The following GADD45A variants were observed in gnomAD, a reference collection of about 807,000 sequenced individuals.
The protein encoded by GADD45A is growth arrest and DNA damage inducible alpha.
Under a neutral mutation model 17.7 loss-of-function variants are expected in GADD45A, and 9 were observed. That is an observed-to-expected ratio of 0.51 (90% confidence interval 0.31 to 0.89). The LOEUF is 0.89. Ranked by LOEUF, GADD45A falls within the 40% of genes least tolerant of loss-of-function variation. The pLI, the probability that GADD45A is intolerant of heterozygous loss-of-function variation, is 0.05. For missense variants in GADD45A, 149 were observed against 220.6 expected (o/e 0.68, Z 2.06); for synonymous variants, 95 against 92.2 (o/e 1.03, Z -0.17).
chr1:67,686,647 C>CT (rs1475569238), intron 3 of GADD45A, 60 bp downstream of exon 3: 5 of 1,430,892 alleles, frequency 3.5e-6, no homozygotes, highest in Admixed American at 4.3e-5. Flanking sequence ...GGAGTCAGGG[C>CT]TGGGTTGCCT....
Position 67,686,561 on chromosome 1 carries a change from C to G in GADD45A, c.358C>G (p.Pro120Ala). 1 of 1,611,758 alleles carries G rather than the reference C, an allele frequency of 6.2e-7. No individual in the cohort carries two copies. The highest frequency in any genetic ancestry group is 8.5e-7 in the Non-Finnish European group (1 of 1,178,994). Reference sequence around the variant, plus strand: ...GGCGAGCGAGGGCGCCGAGCAGCCCCCGGACCTGCACTGCGTGCTGGTGAC... The same window carrying G: ...GGCGAGCGAGGGCGCCGAGCAGCCCGCGGACCTGCACTGCGTGCTGGTGAC... ...PAASEGAEQPPDLHCVLVTNP... is the reference protein window; with the variant it reads ...PAASEGAEQPADLHCVLVTNP... Residue 120 changes from proline to alanine, a missense_variant, in exon 3 of 4, where the codon CCG (proline) becomes GCG (alanine). By Grantham distance (27) the Pro-to-Ala change is conservative. Coordinates refer to ENST00000370986, the MANE Select transcript of GADD45A (RefSeq NM_001924.4).
Position 67,686,557 on chromosome 1 carries a change from G to T in GADD45A, c.354G>T (p.Gln118His). 6.2e-7 allele frequency: 1 copy of T among 1,611,880 alleles called. No individual in the cohort carries two copies. The highest frequency in any genetic ancestry group is 8.5e-7 in the Non-Finnish European group (1 of 1,179,064). The change falls in exon 3 of 4, where the codon CAG becomes CAT. Residue 118 changes from glutamine to histidine, a missense_variant. Physicochemically the swap from Gln to His is conservative, Grantham distance 24. Transcript: ENST00000370986. ...CCGCGGCGAGCGAGGGCGCCGAGCA[G>T]CCCCCGGACCTGCACTGCGTGCTGG... ...AGPAASEGAE[Q>H]PPDLHCVLVT...
chr1:67,686,212 C>T, intron 2 of GADD45A, 86 bp downstream of exon 2: 1 of 1,382,340 alleles, frequency 7.2e-7, no homozygotes. Flanking sequence ...CCTCGCCCGG[C>T]CGCGCCACTT....
rs939678838 is a variant in GADD45A at position 67,687,824 on chromosome 1, A to G, written c.*50A>G. On this transcript the variant is annotated 3_prime_UTR_variant, in exon 4 of 4. Transcript: ENST00000370986. ...ACCAAATTGCACTGAAGTTTTTGAA[A>G]TACCTTTGTAGTTACTCAAGCAGTT... The G allele has an allele frequency of 9.3e-6, 11 of 1,185,672 alleles. No homozygotes were observed. Among genetic ancestry groups the G allele is most frequent in the African/African-American group, 6.0e-5 (4 of 66,504 alleles). 73.4% of individuals were successfully genotyped at this position (1,185,672 alleles called of 1,614,324 possible). A position where few individuals can be genotyped will look rare whatever the true frequency, so the allele number is the denominator to read the frequency against.
In GADD45A at chr1:67,687,922, G is replaced by A. The variant is rs1046318333; in HGVS notation, c.*148G>A. On this transcript the variant is annotated 3_prime_UTR_variant, in exon 4 of 4. Coordinates refer to ENST00000370986, the MANE Select transcript of GADD45A (RefSeq NM_001924.4). Reference sequence around the variant, plus strand: ...GAGTGAGTTCAACTACATGTTCTGGGGGCCCGGAGATAGATGACTTTGCAG... The same window carrying A: ...GAGTGAGTTCAACTACATGTTCTGGAGGCCCGGAGATAGATGACTTTGCAG... 4.9e-5 allele frequency: 26 copies of A among 532,620 alleles called. No homozygotes were observed. Among genetic ancestry groups the A allele is most frequent in the Non-Finnish European group, 7.7e-5 (23 of 297,232 alleles). 33.0% of individuals were successfully genotyped at this position (532,620 alleles called of 1,614,324 possible).
In GADD45A at chr1:67,686,535, C is replaced by G. The variant is rs1317152541; in HGVS notation, c.332C>G (p.Ala111Gly). 1.2e-6 allele frequency: 2 copies of G among 1,612,578 alleles called. No homozygotes were observed. Among genetic ancestry groups the G allele is most frequent in the Admixed American group, 1.7e-5 (1 of 59,958 alleles). Residue 111 changes from alanine (A) to glycine (G), a missense_variant, in exon 3 of 4, where the codon GCG becomes GGG. Ala to Gly is a moderately conservative substitution (Grantham distance 60). Coordinates refer to ENST00000370986, the MANE Select transcript of GADD45A (RefSeq NM_001924.4). ...LLLLETDAGP[A>G]ASEGAEQPPD... ...CTCTTGGAGACCGACGCTGGCCCCGCGGCGAGCGAGGGCGCCGAGCAGCCC... is the reference window on the plus strand; with the variant it reads ...CTCTTGGAGACCGACGCTGGCCCCGGGGCGAGCGAGGGCGCCGAGCAGCCC...
rs1383829665 is a variant in GADD45A, at chr1:67,685,206, C to T, written c.-289C>T. 4.4e-6 allele frequency: 2 copies of T among 452,586 alleles called. No homozygotes were observed. Among genetic ancestry groups the T allele is most frequent in the African/African-American group, 2.1e-5 (1 of 47,632 alleles). The allele number at this position is 452,586 out of a possible 1,614,324, so 28.0% of individuals were successfully genotyped here. On this transcript the variant is annotated 5_prime_UTR_variant, in exon 1 of 4. Transcript: ENST00000370986. Reference sequence around the variant, plus strand: ...AGCGGGGCCCTTTGTCCTCCAGTGGCTGGTAGGCAGTGGCTGGGAGGCAGC... The same window carrying T: ...AGCGGGGCCCTTTGTCCTCCAGTGGTTGGTAGGCAGTGGCTGGGAGGCAGC...
At chr1:67,685,824 C>T (rs2100645114) in intron 1 of GADD45A, 1 of 594,122 alleles carries the variant, frequency 1.7e-6, no homozygotes, top group Non-Finnish European at 3.0e-6. Context: ...ACTCTCGGGA[C>T]TTCTCACGGG....
rs949366390 is a variant in GADD45A, at chr1:67,688,035, A to C, written c.*261A>C. 5.4e-6 allele frequency: 2 copies of C among 373,690 alleles called. No homozygotes were observed. Among genetic ancestry groups the C allele is most frequent in the African/African-American group, 4.1e-5 (2 of 49,258 alleles). The allele number at this position is 373,690 out of a possible 1,614,324, so 23.1% of individuals were successfully genotyped here. A position where few individuals can be genotyped will look rare whatever the true frequency, so the allele number is the denominator to read the frequency against. Reference sequence around the variant, plus strand: ...CAAAAATTACAAAGAACCATGCAGGAAGGAAAACTATGTATTAATTTAGAA... The same window carrying C: ...CAAAAATTACAAAGAACCATGCAGGCAGGAAAACTATGTATTAATTTAGAA... On this transcript the variant is annotated 3_prime_UTR_variant, in exon 4 of 4. Coordinates refer to ENST00000370986, the MANE Select transcript of GADD45A (RefSeq NM_001924.4).
At position 67,686,524 on chromosome 1, in the gene GADD45A, C is replaced by T. The variant is rs768563295; in HGVS notation, c.321C>T (p.Asp107=). Reference sequence around the variant, plus strand: ...CGGAGCTCCTGCTCTTGGAGACCGACGCTGGCCCCGCGGCGAGCGAGGGCG... The same window carrying T: ...CGGAGCTCCTGCTCTTGGAGACCGATGCTGGCCCCGCGGCGAGCGAGGGCG... ...RLAELLLLET[D]AGPAASEGAE... The change falls in exon 3 of 4, where the codon GAC becomes GAT. Residue 107 remains aspartate, a synonymous_variant. Coordinates refer to ENST00000370986, the MANE Select transcript of GADD45A (RefSeq NM_001924.4). 1.8e-5 allele frequency: 29 copies of T among 1,612,134 alleles called. No individual in the cohort carries two copies. The highest frequency in any genetic ancestry group is 1.0e-4 in the Admixed American group (6 of 59,950).
At chr1:67,686,623 GC>G in intron 3 of GADD45A, 36 bp downstream of exon 3, 3 of 1,559,820 alleles carry the variant, frequency 1.9e-6, no homozygotes, top group Non-Finnish European at 1.7e-6. Context: ...GCAGGGTAGA[GC>G]CCCGGAAGGA....
At chr1:67,685,586 C>T (rs376429818) in intron 1 of GADD45A, 48 bp downstream of exon 1, 8 of 1,566,194 alleles carry the variant, frequency 5.1e-6, no homozygotes, top group African/African-American at 2.7e-5. Flanking sequence ...CTTACCTACC[C>T]CGCGCTCCCC....
At chr1:67,685,944 G>A in intron 1 of GADD45A, 81 bp from the exon 2 acceptor site, 1 of 862,148 alleles carries the variant, frequency 1.2e-6, no homozygotes, top group Non-Finnish European at 1.8e-6. Flanking sequence ...AGAGGGAGGG[G>A]CGTGGTACCG....
chr1:67,686,919 A>G (rs1468064676), intron 3 of GADD45A, among the ~76,000 whole-genome samples: 1 of 152,178 alleles, frequency 6.6e-6, no homozygotes, highest in Non-Finnish European at 1.5e-5. Context: ...AGCCAAATGA[A>G]TTCCTGGCTC....
At chr1:67,686,192 G>C (rs1408886346) in intron 2 of GADD45A, 66 bp downstream of exon 2, 3 of 1,439,732 alleles carry the variant, frequency 2.1e-6, no homozygotes, top group Non-Finnish European at 1.9e-6. Flanking sequence ...GGTCGCCTTG[G>C]CTGGGCGCCC....
Position 67,685,421 on chromosome 1 carries a change from G to A in GADD45A, c.-74G>A. The A allele has an allele frequency of 1.4e-6, 2 of 1,459,678 alleles. No individual in the cohort carries two copies. The highest frequency in any genetic ancestry group is 1.9e-6 in the Non-Finnish European group (2 of 1,063,354). The allele number at this position is 1,459,678 out of a possible 1,614,324, so 90.4% of individuals were successfully genotyped here. ...GCCTGTGAGTGAGTGCAGAAAGCAG[G>A]CGCCCGCGCGCTAGCCGTGGCAGGA... On this transcript the variant is annotated 5_prime_UTR_variant, in exon 1 of 4. Coordinates refer to ENST00000370986, the MANE Select transcript of GADD45A (RefSeq NM_001924.4).
intron 3 of GADD45A, among the ~76,000 whole-genome samples, chr1:67,686,830 A>G (rs1326025744): frequency 6.6e-6 from 1 of 152,238 alleles, no homozygotes; most frequent in Non-Finnish European, 1.5e-5. Context: ...CCTGTGAGTC[A>G]GCAGTCAGCC....
At position 67,685,715 on chromosome 1, in the gene GADD45A, C is replaced by G. The variant is rs1015478772; in HGVS notation, c.44+177C>G. ...AGCTCCCACGGACTGAAAGAGCGTG[C>G]CCCCCAACCCGAACGAGCCCCGCCG... On this transcript the variant is annotated intron_variant, in intron 1 of 3. Coordinates refer to ENST00000370986, the MANE Select transcript of GADD45A (RefSeq NM_001924.4). The G allele has an allele frequency of 1.2e-5, 8 of 666,666 alleles. No homozygotes were observed. The Admixed American group carries it at 2.0e-4, about 17-fold the overall frequency. The allele number at this position is 666,666 out of a possible 1,614,324, so 41.3% of individuals were successfully genotyped here.
rs768204562 is a variant in GADD45A at position 67,685,983 on chromosome 1, G to T, written c.45-42G>T. The T allele has an allele frequency of 2.2e-6, 3 of 1,367,384 alleles. No individual in the cohort carries two copies. In the East Asian group the frequency reaches 7.4e-5, roughly 34 times the overall value. 84.7% of individuals were successfully genotyped at this position (1,367,384 alleles called of 1,614,324 possible). A position where few individuals can be genotyped will look rare whatever the true frequency, so the allele number is the denominator to read the frequency against. ...GAGGGGGGCGGCGATGGCCCCGAGG[G>T]CACCGGGGCTGACGGGACCCCTCGC... On this transcript the variant is annotated intron_variant, in intron 1 of 3. Coordinates refer to ENST00000370986, the MANE Select transcript of GADD45A (RefSeq NM_001924.4).
Sources: gnomAD v4.1 joint callset for allele counts (sites outside exome capture counted in the v4.1 genomes callset) on GRCh38, gnomAD v4.1.1 for gene constraint, MANE v1.5 for transcripts, NCBI Gene and HGNC (gene_info 2026-07-23, HGNC 2026-07-21) for gene names.